DDX11: variants seen among roughly 807,000 people sequenced by gnomAD.
DDX11 encodes ATP-dependent DNA helicase DDX11.
A neutral mutation model predicts 125.2 loss-of-function variants in DDX11; 72 were observed. That is an observed-to-expected ratio of 0.58 (90% CI 0.48 to 0.70). DDX11 has a LOEUF of 0.70. Among genes scored for constraint, DDX11 ranks in the 30% least tolerant of loss-of-function variants. DDX11 has a pLI of 0.00. For missense variants in DDX11, 883 were observed against 1,165.0 expected, an observed-to-expected ratio of 0.76 and a Z score of 3.52; for synonymous variants, 347 against 452.6, an observed-to-expected ratio of 0.77 and a Z score of 2.96.
chr12:31,091,819 A>G lies in DDX11; in HGVS notation c.1190A>G (p.Asn397Ser), dbSNP rs1260213408. The change falls in exon 10 of 27, where the codon AAC becomes AGC. Residue 397 changes from asparagine (N) to serine (S), a missense_variant. By Grantham distance (46) the Asn-to-Ser change is conservative (BLOSUM62 1). Transcript: ENST00000542838. ...GTGGTGATCATCGACGAGGCGCACA[A>G]CCTGATCGACACCATCACGGGCATG... Reference protein sequence around the residue: ...DQVVIIDEAHNLIDTITGMHS... With the variant: ...DQVVIIDEAHSLIDTITGMHS... 1.9e-6 allele frequency: 3 copies of G among 1,613,700 alleles called. No individual in the cohort carries two copies. The highest frequency in any genetic ancestry group is 1.3e-5 in the African/African-American group (1 of 74,926).
intron 12 of DDX11, among the ~76,000 whole-genome samples, chr12:31,094,143 C>T (rs1435014810): frequency 1.3e-5 from 2 of 152,194 alleles, no homozygotes; most frequent in African/African-American, 4.8e-5. Flanking sequence ...TGATGGGGCA[C>T]CCCCTTGGAA....
chr12:31,089,691 AT>A, intron 8 of DDX11, 194 bp from the exon 9 acceptor site: 1 of 1,223,860 alleles, frequency 8.2e-7, no homozygotes, highest in Non-Finnish European at 1.2e-6. Flanking sequence ...CTTGGAGATG[AT>A]TTTACGGGCT....
chr12:31,076,421 C>A (rs888217970), intron 1 of DDX11, among the ~76,000 whole-genome samples: 1 of 152,080 alleles, frequency 6.6e-6, no homozygotes, highest in Admixed American at 6.6e-5. Flanking sequence ...CAGATAGTTT[C>A]AATTCTTACT....
At chr12:31,086,320 C>T (rs1189715030) in intron 5 of DDX11, 2 of 384,026 alleles carry the variant, frequency 5.2e-6, no homozygotes, top group African/African-American at 4.2e-5. Context: ...TGCTTCAGGG[C>T]AGGAACCACG....
chr12:31,095,720 C>T (rs570570717), intron 14 of DDX11, among the ~76,000 whole-genome samples: 1 of 152,342 alleles, frequency 6.6e-6, no homozygotes, highest in African/African-American at 2.4e-5. Flanking sequence ...TCTCCCACAG[C>T]TGGGACATGG....
At chr12:31,077,560 C>T (rs1940910308) in intron 1 of DDX11, among the ~76,000 whole-genome samples, 1 of 151,836 alleles carries the variant, frequency 6.6e-6, no homozygotes. Context: ...AAGATAAGGA[C>T]GTGTAGGCCG....
chr12:31,093,463 C>G (rs1944610698), intron 12 of DDX11, 139 bp downstream of exon 12: 6 of 1,162,642 alleles, frequency 5.2e-6, no homozygotes, highest in Non-Finnish European at 7.5e-6. Context: ...CGCCTGTAAT[C>G]CCAGCACTTG....
Position 31,089,277 on chromosome 12 carries a change from C to A in DDX11, c.792+126C>A, listed in dbSNP as rs773701487. ...GCTGAACCGTGTGAGGAGCAGCCCC[C>A]TCCCTGACCTGGCCGGCCCAGCACT... On this transcript the variant is annotated intron_variant, in intron 7 of 26. Transcript: ENST00000542838. The A allele has an allele frequency of 3.0e-6, 4 of 1,355,464 alleles. 1 individual carries two copies. Among genetic ancestry groups the A allele is most frequent in the Non-Finnish European group, 4.2e-6 (4 of 954,036 alleles). The allele number at this position is 1,355,464 out of a possible 1,614,324, so 84.0% of individuals were successfully genotyped here.
intron 1 of DDX11, chr12:31,078,112 C>G: frequency 2.8e-6 from 3 of 1,082,494 alleles, no homozygotes; most frequent in South Asian, 1.3e-5. Context: ...AGAAAGGTAT[C>G]GGAGCCACGG....
chr12:31,083,863 T>C lies in DDX11; in HGVS notation c.195T>C (p.Phe65=). The C allele has an allele frequency of 1.2e-6, 2 of 1,612,686 alleles. No individual in the cohort carries two copies. Among genetic ancestry groups the C allele is most frequent in the Non-Finnish European group, 8.5e-7 (1 of 1,179,852 alleles). ...GGGCCCTCTCTTGGCTCCGTGACTT[T>C]GAACAGAAGAAGCGTGAAGAAGAGG... ...ICGALSWLRD[F]EQKKREEEAR... Residue 65 remains phenylalanine, a synonymous_variant, in exon 3 of 27, where the codon TTT becomes TTC. Coordinates refer to ENST00000542838, the MANE Select transcript of DDX11 (RefSeq NM_030653.4).
intron 6 of DDX11, among the ~76,000 whole-genome samples, chr12:31,088,696 C>T (rs1943610029): frequency 6.6e-6 from 1 of 152,202 alleles, no homozygotes; most frequent in African/African-American, 2.4e-5. Flanking sequence ...TCCCCTCCCA[C>T]CAACAACCCA....
At chr12:31,099,800 A>T (rs977824595) in intron 18 of DDX11, among the ~76,000 whole-genome samples, 1 of 152,130 alleles carries the variant, frequency 6.6e-6, no homozygotes, top group East Asian at 1.9e-4. Context: ...ATATAAAAAG[A>T]TCTATTCAGG....
chr12:31,075,843 G>T (rs944125287), intron 1 of DDX11, among the ~76,000 whole-genome samples: 2 of 152,204 alleles, frequency 1.3e-5, no homozygotes, highest in African/African-American at 4.8e-5. Flanking sequence ...TTCAGATGGT[G>T]CTAAGAGCTA....
intron 25 of DDX11, 65 bp downstream of exon 25, chr12:31,103,460 G>A: frequency 6.2e-7 from 1 of 1,601,112 alleles, no homozygotes; most frequent in Admixed American, 1.7e-5. Flanking sequence ...ACAGGAAAGA[G>A]GGGTTGCCTG....
In DDX11 at chr12:31,091,865, C is replaced by T. The variant is rs1944292853; in HGVS notation, c.1236C>T (p.Gly412=). The T allele has an allele frequency of 6.2e-7, 1 of 1,613,660 alleles. No homozygotes were observed. Among genetic ancestry groups the T allele is most frequent in the Non-Finnish European group, 8.5e-7 (1 of 1,179,830 alleles). ...GCATGCACAGCGTGGAGGTCAGCGGCTCCCAGGTGTGTGGGCCTCCCCTCC... is the reference window on the plus strand; with the variant it reads ...GCATGCACAGCGTGGAGGTCAGCGGTTCCCAGGTGTGTGGGCCTCCCCTCC... ...ITGMHSVEVS[G]SQLCQAHSQL... is the part of the protein sequence containing the mutation. The change falls in exon 10 of 27, where the codon GGC becomes GGT. Residue 412 remains glycine (G), a synonymous_variant. Coordinates refer to ENST00000542838, the MANE Select transcript of DDX11 (RefSeq NM_030653.4).
At chr12:31,093,359 G>A (rs1834681835) in intron 12 of DDX11, 35 bp downstream of exon 12, 3 of 1,613,108 alleles carry the variant, frequency 1.9e-6, no homozygotes, top group African/African-American at 2.7e-5. Context: ...CCCCGGGCCT[G>A]CAAAACTCGC....
At chr12:31,075,846 A>G (rs1457821957) in intron 1 of DDX11, among the ~76,000 whole-genome samples, 2 of 152,224 alleles carry the variant, frequency 1.3e-5, no homozygotes, top group Admixed American at 6.5e-5. Context: ...AGATGGTGCT[A>G]AGAGCTATGA....
At chr12:31,093,565 A>T in intron 12 of DDX11, 1 of 537,872 alleles carries the variant, frequency 1.9e-6, no homozygotes, top group East Asian at 4.4e-5. Flanking sequence ...AAAATACAAA[A>T]AAATTAGCTG....
At position 31,089,505 on chromosome 12, in the gene DDX11, C is replaced by A; in HGVS notation, c.880+15C>A. The stretch of plus-strand genomic sequence containing the variant: ...AAGCAGGCACGGTAGCCACTGGGAC[C>A]ATGGTGTAGCCGCAGGTGGTCTGGA... On this transcript the variant is annotated intron_variant, in intron 8 of 26. Transcript: ENST00000542838. 6.2e-7 allele frequency: 1 copy of A among 1,609,466 alleles called. No individual in the cohort carries two copies. Among genetic ancestry groups the A allele is most frequent in the Non-Finnish European group, 8.5e-7 (1 of 1,175,878 alleles).
Sources: gnomAD v4.1 joint callset for allele counts (sites outside exome capture counted in the v4.1 genomes callset) on GRCh38, gnomAD v4.1.1 for gene constraint, MANE v1.5 for transcripts, NCBI Gene and HGNC (gene_info 2026-07-23, HGNC 2026-07-21) for gene names.